The following NAV3 variants were observed in gnomAD, a reference collection of about 807,000 sequenced individuals.
NAV3 encodes the protein pore membrane and/or filament interacting like protein 1.
A neutral mutation model predicts 244.7 loss-of-function variants in NAV3; 87 were observed. The observed-to-expected ratio is 0.36, with a 90% CI of 0.30 to 0.42. The LOEUF (loss-of-function observed/expected upper bound fraction) is 0.42, where lower values mean the gene tolerates loss of function less well. NAV3 is among the 20% of genes least tolerant of loss of function. NAV3 has a pLI of 1.00. For synonymous variants in NAV3, 1,126 were observed against 1,042.2 expected (o/e 1.08, Z -1.55); for missense variants, 2,663 against 2,893.3 (o/e 0.92, Z 1.83).
At chr12:77,940,874 A>ATT (rs369996006) in intron 2 of NAV3, among the ~76,000 whole-genome samples, 1 of 144,670 alleles carries the variant, frequency 6.9e-6, no homozygotes, top group Admixed American at 7.0e-5. Context: ...CTTCTCACTC[A>ATT]TTTTTTTTTT....
intron 2 of NAV3, among the ~76,000 whole-genome samples, chr12:77,610,756 G>T (rs1870875625): frequency 6.6e-6 from 1 of 152,044 alleles, no homozygotes. Flanking sequence ...CTGCTGAGTA[G>T]GCTGCAAATG....
intron 1 of NAV3, among the ~76,000 whole-genome samples, chr12:77,870,532 G>T (rs1880796382): frequency 6.6e-6 from 1 of 152,092 alleles, no homozygotes; most frequent in Non-Finnish European, 1.5e-5. Flanking sequence ...TAGGAATCGG[G>T]ATAAAAGAGA....
rs927947983 is a variant in NAV3 at position 78,212,276 on chromosome 12, C to A, written c.*1759C>A. On this transcript the variant is annotated 3_prime_UTR_variant, in exon 40 of 40. Transcript: ENST00000397909. ...AAGGACAGGTTTTAAGTTTATGAAA[C>A]CCAAGGGCTAGGCCATGGTATAGAC... 3.9e-5 allele frequency: 6 copies of A among 152,544 alleles called. No individual in the cohort carries two copies. Among genetic ancestry groups the A allele is most frequent in the African/African-American group, 1.4e-4 (6 of 41,432 alleles). 9.4% of individuals were successfully genotyped at this position (152,544 alleles called of 1,614,324 possible). A position where few individuals can be genotyped will look rare whatever the true frequency, so the allele number is the denominator to read the frequency against.
rs76657047 is a variant in NAV3 at position 77,694,062 on chromosome 12, A to T, written c.72+121796A>T. ...CCATCCTTAATATCAATCTTTATGA[A>T]ACCTGTGATCTCTATTCCTATATAT... is the stretch of plus-strand genomic sequence containing the variant. On this transcript the variant is annotated intron_variant, in intron 2 of 8. Coordinates refer to the NAV3 transcript ENST00000550042. 5.8e-3 allele frequency among the ~76,000 whole-genome samples: 889 copies of T among 152,164 alleles called. 11 individuals carry two copies. The highest frequency in any genetic ancestry group is 0.02 in the African/African-American group (843 of 41,510).
chr12:78,006,419 A>G lies in NAV3; in HGVS notation c.881A>G (p.Asp294Gly). 1 of 1,611,038 alleles carries G rather than the reference A, an allele frequency of 6.2e-7. No homozygotes were observed. The highest frequency in any genetic ancestry group is 8.5e-7 in the Non-Finnish European group (1 of 1,177,730). Reference protein sequence around the residue: ...PPNYANGNEKDSSKGPQSSSG... With the variant: ...PPNYANGNEKGSSKGPQSSSG... ...TATTTTTCTTCTAAACAATGTCCAG[A>G]TTCCTCCAAAGGACCTCAATCGTCT... is the stretch of plus-strand genomic sequence containing the variant. The change falls in exon 8 of 40, where the codon GAT (aspartate) becomes GGT (glycine). Residue 294 changes from aspartate to glycine, a missense_variant and splice_region_variant. Around this residue, in one of 6 missense-constraint regions of NAV3, gnomAD observed 1,521 missense variants for 1,497.0 expected, o/e 1.02. Coordinates refer to ENST00000397909, the MANE Select transcript of NAV3 (RefSeq NM_001024383.2).
At position 78,145,110 on chromosome 12, in the gene NAV3, A is replaced by G. The variant is rs35402339; in HGVS notation, c.4684-1259A>G. ...ATTCAAAAACCAAACTGTGTATAAA[A>G]CCTTAAAATTATTAGGATCTAAAAA... On this transcript the variant is annotated intron_variant, in intron 20 of 39. Transcript: ENST00000397909. 1.2e-4 allele frequency: 32 copies of G among 276,040 alleles called. 3 individuals are homozygous for G. Among genetic ancestry groups the G allele is most frequent in the South Asian group, 9.6e-4 (32 of 33,352 alleles). The allele number at this position is 276,040 out of a possible 1,614,324, so 17.1% of individuals were successfully genotyped here.
At chr12:77,861,139 G>C (rs935039905) in intron 1 of NAV3, among the ~76,000 whole-genome samples, 1 of 151,738 alleles carries the variant, frequency 6.6e-6, no homozygotes, top group African/African-American at 2.4e-5. Flanking sequence ...AAATTAGCAC[G>C]TGGTTGCAAA....
chr12:77,658,513 C>T (rs1002478740), intron 2 of NAV3, among the ~76,000 whole-genome samples: 24 of 150,446 alleles, frequency 1.6e-4, no homozygotes, highest in Middle Eastern at 6.8e-3. Flanking sequence ...GAATCAATAT[C>T]GTGAAAATGG....
intron 12 of NAV3, among the ~76,000 whole-genome samples, chr12:78,060,919 T>C (rs747200821): frequency 6.6e-6 from 1 of 152,134 alleles, no homozygotes; most frequent in Non-Finnish European, 1.5e-5. Flanking sequence ...TGACTTTGGT[T>C]TGGGGACAGT....
At chr12:78,154,813 G>C (rs1256945247) in intron 22 of NAV3, among the ~76,000 whole-genome samples, 1 of 151,912 alleles carries the variant, frequency 6.6e-6, no homozygotes. Flanking sequence ...GACAAGATGT[G>C]ATACCCTATA....
intron 2 of NAV3, among the ~76,000 whole-genome samples, chr12:77,614,144 C>A (rs926582431): frequency 1.5e-5 from 2 of 136,518 alleles, no homozygotes; most frequent in African/African-American, 5.5e-5. Context: ...GGTGCAGTGG[C>A]GCTATTCAAT....
chr12:77,620,264 A>G (rs1871316553), intron 2 of NAV3, among the ~76,000 whole-genome samples: 1 of 152,182 alleles, frequency 6.6e-6, no homozygotes, highest in Non-Finnish European at 1.5e-5. Flanking sequence ...AACATTATAA[A>G]ATGATGAAAA....
At chr12:77,870,095 G>A (rs1031831452) in intron 1 of NAV3, among the ~76,000 whole-genome samples, 9 of 152,032 alleles carry the variant, frequency 5.9e-5, no homozygotes, top group Non-Finnish European at 1.0e-4. Context: ...AGCCGGGCGC[G>A]GTGGCTCACT....
intron 2 of NAV3, among the ~76,000 whole-genome samples, chr12:77,735,786 C>T (rs1288832297): frequency 6.6e-6 from 1 of 152,130 alleles, no homozygotes; most frequent in Non-Finnish European, 1.5e-5. Context: ...CCAAACACTT[C>T]CCTTAATAGA....
rs1043938124 is a variant in NAV3, at chr12:78,212,053, G to C, written c.*1536G>C. The stretch of plus-strand genomic sequence containing the variant: ...CAAACCCTCAAAGCTGTATTATCTG[G>C]TGTGTTTGTCCTGTATTTACAGTTG... On this transcript the variant is annotated 3_prime_UTR_variant, in exon 40 of 40. Transcript: ENST00000397909. The C allele has an allele frequency of 2.0e-5, 3 of 152,604 alleles. No individual in the cohort carries two copies. The highest frequency in any genetic ancestry group is 4.4e-5 in the Non-Finnish European group (3 of 68,032). The allele number at this position is 152,604 out of a possible 1,614,324, so 9.5% of individuals were successfully genotyped here.
chr12:78,187,302 G>A (rs942455104), intron 31 of NAV3, among the ~76,000 whole-genome samples: 11 of 151,822 alleles, frequency 7.2e-5, no homozygotes, highest in African/African-American at 2.7e-4. Flanking sequence ...TCTTAATTAG[G>A]TGGTAGGTAT....
chr12:78,001,327 C>G (rs1593243734), intron 7 of NAV3, among the ~76,000 whole-genome samples: 1 of 152,166 alleles, frequency 6.6e-6, no homozygotes, highest in East Asian at 1.9e-4. Flanking sequence ...GCAGGATTAA[C>G]CAAATTATCT....
intron 2 of NAV3, among the ~76,000 whole-genome samples, chr12:77,594,098 TAAC>T (rs1349565507): frequency 2.0e-5 from 3 of 152,158 alleles, no homozygotes; most frequent in African/African-American, 7.2e-5. Context: ...ATGCTTCTTG[TAAC>T]AACAACAAAA....
chr12:77,990,620 A>G (rs1420570039), intron 5 of NAV3, among the ~76,000 whole-genome samples: 2 of 152,226 alleles, frequency 1.3e-5, no homozygotes, highest in Non-Finnish European at 2.9e-5. Context: ...AGTTTCAACA[A>G]TTCAAAATAA....
Sources: allele counts gnomAD v4.1 joint callset (sites outside exome capture counted in the v4.1 genomes callset), GRCh38; gene constraint gnomAD v4.1.1; regional missense constraint gnomAD v4.1.1; transcripts MANE v1.5; gene names NCBI Gene and HGNC (gene_info 2026-07-23, HGNC 2026-07-21).